Variants in IGFN1 observed in about 807,000 individuals in gnomAD.
IGFN1 encodes the protein immunoglobulin-like and fibronectin type III domain-containing protein 1.
IGFN1 carries 253 observed loss-of-function variants against 289.5 expected under a neutral mutation model. The observed-to-expected ratio is 0.87, with a 90% CI of 0.79 to 0.97. The LOEUF is 0.97. IGFN1 is among the 50% of genes least tolerant of loss of function. The pLI, the probability that IGFN1 is intolerant of heterozygous loss-of-function variation, is 0.00. For synonymous variants in IGFN1, 1,706 were observed against 1,788.5 expected (o/e 0.95, Z 1.16); for missense variants, 4,470 against 4,686.1 (o/e 0.95, Z 1.35).
chr1:201,192,449 G>A (rs1572156748), intron 1 of IGFN1, among the ~76,000 whole-genome samples: 1 of 152,084 alleles, frequency 6.6e-6, no homozygotes, highest in East Asian at 1.9e-4. Context: ...CCTCTCCTGT[G>A]TGGGACTCCC....
chr1:201,225,515 C>T lies in IGFN1; in HGVS notation c.10487-309C>T, dbSNP rs1654020482. ...GGCTGAGGCAGGAGAATGGCGTGAACCCGGGAGTTGGAGCTTGCAGTGAGC... is the reference window on the plus strand; with the variant it reads ...GGCTGAGGCAGGAGAATGGCGTGAATCCGGGAGTTGGAGCTTGCAGTGAGC... On this transcript the variant is annotated intron_variant, in intron 21 of 23. Transcript: ENST00000335211. Among the ~76,000 whole-genome samples the T allele has an allele frequency of 2.6e-5, 4 of 152,180 alleles. No individual in the cohort carries two copies. In the South Asian group the frequency reaches 8.3e-4, roughly 32 times the overall value.
chr1:201,199,726 A>C, intron 7 of IGFN1, 72 bp downstream of exon 7: 1 of 1,377,144 alleles, frequency 7.3e-7, no homozygotes, highest in South Asian at 1.3e-5. Flanking sequence ...TTCCATAAGT[A>C]AGCTGGGCTT....
chr1:201,212,123 G>A lies in IGFN1; in HGVS notation c.7230G>A (p.Arg2410=), dbSNP rs768687782. The stretch of plus-strand genomic sequence containing the variant: ...CCAAGGATGGTCCAGAGCGAGCCAG[G>A]GAAACCAGGCTTGTGGATGGGGCAG... ...TNSKDGPERA[R]ETRLVDGAGP... The change falls in exon 12 of 24, where the codon AGG becomes AGA. Residue 2410 remains arginine (R), a synonymous_variant. Transcript: ENST00000335211. 14 of 1,536,538 alleles carry A rather than the reference G, an allele frequency of 9.1e-6. No individual in the cohort carries two copies. In the African/African-American group the frequency reaches 1.5e-4, roughly 17 times the overall value.
Position 201,221,673 on chromosome 1 carries a change from G to C in IGFN1, c.10128G>C (p.Val3376=). Residue 3376 remains valine (V), a synonymous_variant, in exon 19 of 24, where the codon GTG becomes GTC. Transcript: ENST00000335211. ...LRPGEGYFVR[V]TAVNEGGQSQ... ...CTGGAGAGGGCTACTTCGTGCGGGT[G>C]ACAGCAGTTAATGAAGGAGGCCAGA... The C allele has an allele frequency of 6.2e-7, 1 of 1,614,066 alleles. No individual in the cohort carries two copies. The highest frequency in any genetic ancestry group is 8.5e-7 in the Non-Finnish European group (1 of 1,179,942).
Position 201,211,814 on chromosome 1 carries a change from T to C in IGFN1, c.6921T>C (p.Ser2307=), listed in dbSNP as rs1558149566. 6.5e-7 allele frequency: 1 copy of C among 1,536,624 alleles called. No individual in the cohort carries two copies. Among genetic ancestry groups the C allele is most frequent in the Non-Finnish European group, 8.7e-7 (1 of 1,146,680 alleles). The change falls in exon 12 of 24, where the codon AGT becomes AGC. Residue 2307 remains serine (S), a synonymous_variant. Transcript: ENST00000335211. ...PLGSEAGSRG[S]LEDSGYILSW... ...GGAGCGAGGCAGGTTCTAGGGGTAG[T>C]TTGGAGGATTCTGGGTACATTTTGT...
Position 201,206,665 on chromosome 1 carries a change from A to G in IGFN1, c.1772A>G (p.His591Arg). 1 of 1,537,456 alleles carries G rather than the reference A, an allele frequency of 6.5e-7. No individual in the cohort carries two copies. The highest frequency in any genetic ancestry group is 1.2e-5 in the South Asian group (1 of 84,058). ...GACAGTGGAAGACAACTGGACAGGC[A>G]TGCCCCAGAGCAACTGTGGGATGCT... ...RGDSGRQLDR[H>R]APEQLWDARL... Residue 591 changes from histidine (H) to arginine (R), a missense_variant, in exon 12 of 24, where the codon CAT (histidine) becomes CGT (arginine). This residue lies in a region of IGFN1 where 2,011 missense variants were observed against 1,953.4 expected (regional missense o/e 1.03). Coordinates refer to ENST00000335211, the MANE Select transcript of IGFN1 (RefSeq NM_001164586.2).
chr1:201,224,981 G>C, intron 21 of IGFN1, 107 bp downstream of exon 21: 1 of 758,738 alleles, frequency 1.3e-6, no homozygotes. Context: ...ACCAGGGCTG[G>C]GTATGCAAAG....
chr1:201,227,297 AG>A (rs1284406608), intron 23 of IGFN1, 89 bp downstream of exon 23: 2 of 1,052,924 alleles, frequency 1.9e-6, no homozygotes, highest in African/African-American at 3.2e-5. Flanking sequence ...GGGTGCCTAG[AG>A]GGATTCAGCC....
rs375224704 is a variant in IGFN1, at chr1:201,212,521, C to A, written c.7628C>A (p.Ala2543Asp). 9 of 1,546,698 alleles carry A rather than the reference C, an allele frequency of 5.8e-6. No homozygotes were observed. The highest frequency in any genetic ancestry group is 1.4e-5 in the African/African-American group (1 of 73,004). The change falls in exon 12 of 24, where the codon GCT (alanine) becomes GAT (aspartate). Residue 2543 changes from alanine (A) to aspartate (D), a missense_variant. By Grantham distance (126) the Ala-to-Asp change is moderately radical (BLOSUM62 -2). Transcript: ENST00000335211. ...AVEGETWAGM[A>D]ALGSGYERDI... ...GAAGGTGAGACCTGGGCAGGAATGG[C>A]TGCTCTAGGGTCTGGATATGAACGG...
Position 201,211,427 on chromosome 1 carries a change from T to C in IGFN1, c.6534T>C (p.Tyr2178=). The C allele has an allele frequency of 1.3e-6, 2 of 1,499,824 alleles. No individual in the cohort carries two copies. Among genetic ancestry groups the C allele is most frequent in the Non-Finnish European group, 1.8e-6 (2 of 1,125,282 alleles). 92.9% of individuals were successfully genotyped at this position (1,499,824 alleles called of 1,614,324 possible). ...TGGGGTCAATGGATGAGGCAGGTTA[T>C]AGGAAGGATTTGGGAGCTCCTGAGG... ...GEMGSMDEAG[Y]RKDLGAPEGM... is the part of the protein sequence containing the mutation. Residue 2178 remains tyrosine, a synonymous_variant, in exon 12 of 24, where the codon TAT becomes TAC. Transcript: ENST00000335211.
In IGFN1 at chr1:201,217,374, GCAGCGC is replaced by G; in HGVS notation, c.9685_9690del (p.Ser3229_Ala3230del). 6.2e-7 allele frequency: 1 copy of G among 1,614,170 alleles called. No homozygotes were observed. Among genetic ancestry groups the G allele is most frequent in the Non-Finnish European group, 8.5e-7 (1 of 1,180,020 alleles). On this transcript the variant is annotated inframe_deletion, in exon 17 of 24. Transcript: ENST00000335211. Reference sequence around the variant, plus strand: ...ACATGGACAGCACCTCGGGGCCCCGGCAGCGCCCACATCCTGGGCTACCTGATCGAG... The same window carrying G: ...ACATGGACAGCACCTCGGGGCCCCGGCCACATCCTGGGCTACCTGATCGAG...
chr1:201,219,977 TTTTTCTG>T (rs1237839242), intron 18 of IGFN1, among the ~76,000 whole-genome samples: 12 of 136,824 alleles, frequency 8.8e-5, no homozygotes, highest in East Asian at 2.3e-4. Flanking sequence ...CTTTCTTTCT[TTTTTCTG>T]TCTGTCTGTC....
chr1:201,226,020 C>A lies in IGFN1; in HGVS notation c.10683C>A (p.Ile3561=). The change falls in exon 22 of 24, where the codon ATC becomes ATA. Residue 3561 remains isoleucine, a synonymous_variant. Transcript: ENST00000335211. ...CCAACCGCTTCACCCTCCTGGGCAT[C>A]CTCCCCGGCCACGAATACCACTTCA... ...IHTNRFTLLG[I]LPGHEYHFRV... The A allele has an allele frequency of 1.9e-6, 3 of 1,582,568 alleles. No homozygotes were observed. The highest frequency in any genetic ancestry group is 2.6e-6 in the Non-Finnish European group (3 of 1,161,810).
rs775255301 is a variant in IGFN1, at chr1:201,214,157, T to C, written c.8729-20T>C. 1.6e-5 allele frequency: 26 copies of C among 1,600,404 alleles called. No individual in the cohort carries two copies. Among genetic ancestry groups the C allele is most frequent in the Non-Finnish European group, 2.0e-5 (23 of 1,173,142 alleles). On this transcript the variant is annotated intron_variant, in intron 12 of 23. Transcript: ENST00000335211. ...GGCCTGGGGCGCTCGGCCCTGGGGA[T>C]TCCCTCTGTGTCTCTCCAGGCCCCA...
At position 201,215,149 on chromosome 1, in the gene IGFN1, T is replaced by C; in HGVS notation, c.8990T>C (p.Val2997Ala). ...GDQQSEATLT[V>A]QDSPTIAPDV... ...CAGCAGAGCGAGGCCACCCTGACCG[T>C]CCAGGGTAAGGCCCAGCCCTGCCCT... Residue 2997 changes from valine to alanine, a missense_variant, in exon 14 of 24, where the codon GTC becomes GCC. Val to Ala is a moderately conservative substitution (Grantham distance 64). This residue lies in a region of IGFN1 where 2,218 missense variants were observed against 2,114.1 expected (regional missense o/e 1.05). Transcript: ENST00000335211. 1 of 1,612,628 alleles carries C rather than the reference T, an allele frequency of 6.2e-7. No individual in the cohort carries two copies. The highest frequency in any genetic ancestry group is 8.5e-7 in the Non-Finnish European group (1 of 1,179,764).
chr1:201,202,149 C>T (rs1009664520), intron 9 of IGFN1, among the ~76,000 whole-genome samples: 2 of 152,164 alleles, frequency 1.3e-5, no homozygotes, highest in African/African-American at 2.4e-5. Flanking sequence ...TCCATCTGAG[C>T]TTTCTCTCCA....
rs1571446606 is a variant in IGFN1 at position 201,205,211 on chromosome 1, A to C, written c.1046A>C (p.His349Pro). The C allele has an allele frequency of 6.4e-7, 1 of 1,550,918 alleles. No individual in the cohort carries two copies. The highest frequency in any genetic ancestry group is 8.7e-7 in the Non-Finnish European group (1 of 1,146,938). ...TGGCATTTCCGGCACCGGCTACTCC[A>C]CCCCAGTGACAAATATGAAGTGTAT... ...AAWHFRHRLLHPSDKYEVYVS... is the reference protein window; with the variant it reads ...AAWHFRHRLLPPSDKYEVYVS... The change falls in exon 11 of 24, where the codon CAC (histidine) becomes CCC (proline). Residue 349 changes from histidine to proline, a missense_variant. This residue lies in a region of IGFN1 where 2,011 missense variants were observed against 1,953.4 expected (regional missense o/e 1.03). Transcript: ENST00000335211.
chr1:201,207,767 C>CT lies in IGFN1; in HGVS notation c.2876dup (p.Leu959PhefsTer5). 1 of 1,536,600 alleles carries CT rather than the reference C, an allele frequency of 6.5e-7. No individual in the cohort carries two copies. Among genetic ancestry groups the CT allele is most frequent in the South Asian group, 1.2e-5 (1 of 83,990 alleles). Reference sequence around the variant, plus strand: ...GAATGGAATCTAGGTACGAGGGTGGCTTAGGATATTCTAGGGAAATAAGCT... The same window carrying CT: ...GAATGGAATCTAGGTACGAGGGTGGCTTTAGGATATTCTAGGGAAATAAGCT... On this transcript the variant is annotated frameshift_variant, in exon 12 of 24. Coordinates refer to ENST00000335211, the MANE Select transcript of IGFN1 (RefSeq NM_001164586.2). LOFTEE classifies it high-confidence loss of function.
At position 201,224,800 on chromosome 1, in the gene IGFN1, G is replaced by A; in HGVS notation, c.10412G>A (p.Ser3471Asn). Residue 3471 changes from serine (S) to asparagine (N), a missense_variant, in exon 21 of 24, where the codon AGT becomes AAT. Coordinates refer to ENST00000335211, the MANE Select transcript of IGFN1 (RefSeq NM_001164586.2). ...ATCCCTGTGGCTGGACTCTCAGACA[G>A]TGGTCTCTACACTGTGGTGCTGAGG... ...LLIPVAGLSD[S>N]GLYTVVLRTL... is the part of the protein sequence containing the mutation. The A allele has an allele frequency of 6.2e-7, 1 of 1,614,210 alleles. No homozygotes were observed. Among genetic ancestry groups the A allele is most frequent in the South Asian group, 1.1e-5 (1 of 91,086 alleles).
Sources: gnomAD v4.1 joint callset for allele counts (sites outside exome capture counted in the v4.1 genomes callset) on GRCh38, gnomAD v4.1.1 for gene constraint, gnomAD v4.1.1 regional missense constraint, MANE v1.5 for transcripts, NCBI Gene and HGNC (gene_info 2026-07-23, HGNC 2026-07-21) for gene names.